The following LINGO2 variants were observed in gnomAD, a reference collection of about 807,000 sequenced individuals.
LINGO2 encodes the protein leucine-rich repeat and immunoglobulin-like domain-containing nogo receptor-interacting protein 2.
In LINGO2, 14 loss-of-function variants were observed where a neutral mutation model predicts 30.6. The observed-to-expected ratio is 0.46, with a 90% CI of 0.30 to 0.72. The LOEUF (loss-of-function observed/expected upper bound fraction) is 0.72, where lower values mean the gene tolerates loss of function less well. Among genes scored for constraint, LINGO2 ranks in the 30% least tolerant of loss-of-function variants. LINGO2 has a pLI of 0.07. For missense variants in LINGO2, 729 were observed against 751.7 expected, an observed-to-expected ratio of 0.97 and a Z score of 0.35; for synonymous variants, 317 against 288.5, an observed-to-expected ratio of 1.10 and a Z score of -1.00.
chr9:28,339,754 T>G (rs1414293635), intron 3 of LINGO2, among the ~76,000 whole-genome samples: 2 of 152,328 alleles, frequency 1.3e-5, no homozygotes, highest in African/African-American at 4.8e-5. Context: ...TATTTACTGT[T>G]TCCAGGCAAT....
intron 1 of LINGO2, among the ~76,000 whole-genome samples, chr9:28,619,299 G>A (rs1241140519): frequency 6.6e-6 from 1 of 151,994 alleles, no homozygotes; most frequent in Non-Finnish European, 1.5e-5. Flanking sequence ...ACTTTCCTAT[G>A]TATCAGAAGA....
chr9:29,014,289 A>G, the LINGO2 span, among the ~76,000 whole-genome samples: 1 of 152,122 alleles, frequency 6.6e-6, no homozygotes, highest in Non-Finnish European at 1.5e-5. Context: ...AACAATTGAA[A>G]TTTCTTGTCC....
At chr9:28,690,753 TCTC>T in the LINGO2 span, among the ~76,000 whole-genome samples, 559 of 152,232 alleles carry the variant, frequency 3.7e-3, 6 homozygotes, top group African/African-American at 0.013. Flanking sequence ...TTTCTTCCCC[TCTC>T]CTCCTGACAA....
At chr9:28,739,533 T>C in the LINGO2 span, among the ~76,000 whole-genome samples, 1 of 151,780 alleles carries the variant, frequency 6.6e-6, no homozygotes, top group African/African-American at 2.4e-5. Context: ...CAAATAATAA[T>C]ACAACAGGAA....
At chr9:29,116,930 C>T in the LINGO2 span, among the ~76,000 whole-genome samples, 34 of 152,140 alleles carry the variant, frequency 2.2e-4, no homozygotes, top group East Asian at 6.4e-3. Context: ...CAGTAGGGGT[C>T]GTCTAATGTT....
At chr9:28,220,863 GA>G (rs550454621) in intron 4 of LINGO2, among the ~76,000 whole-genome samples, 1 of 151,850 alleles carries the variant, frequency 6.6e-6, no homozygotes, top group South Asian at 2.1e-4. Flanking sequence ...CAGCCCAAAG[GA>G]AAAAAACCCA....
At chr9:29,161,930 T>G in the LINGO2 span, among the ~76,000 whole-genome samples, 1 of 152,034 alleles carries the variant, frequency 6.6e-6, no homozygotes, top group Non-Finnish European at 1.5e-5. Flanking sequence ...TGTGTTTTTT[T>G]TTTTTTTGAG....
chr9:28,806,707 C>A, the LINGO2 span, among the ~76,000 whole-genome samples: 1 of 152,054 alleles, frequency 6.6e-6, no homozygotes, highest in African/African-American at 2.4e-5. Flanking sequence ...CATAAATGAT[C>A]TATAATTAAA....
the LINGO2 span, among the ~76,000 whole-genome samples, chr9:29,190,227 C>T: frequency 2.0e-5 from 3 of 152,056 alleles, no homozygotes; most frequent in African/African-American, 7.2e-5. Flanking sequence ...GCACAAGCAA[C>T]AGATTAAAAA....
chr9:28,845,642 G>C, the LINGO2 span, among the ~76,000 whole-genome samples: 1 of 151,612 alleles, frequency 6.6e-6, no homozygotes, highest in Non-Finnish European at 1.5e-5. Context: ...CTTTCTTAGA[G>C]TTTAACTTCT....
At chr9:28,762,718 T>G in the LINGO2 span, among the ~76,000 whole-genome samples, 1 of 152,028 alleles carries the variant, frequency 6.6e-6, no homozygotes, top group Non-Finnish European at 1.5e-5. Flanking sequence ...AAATTTGTAT[T>G]AACTTCAGAT....
the LINGO2 span, among the ~76,000 whole-genome samples, chr9:29,034,692 A>G: frequency 6.6e-6 from 1 of 152,178 alleles, no homozygotes; most frequent in Non-Finnish European, 1.5e-5. Context: ...AATCATTATA[A>G]TCATTAAAAT....
chr9:29,121,201 G>A, the LINGO2 span, among the ~76,000 whole-genome samples: 1 of 152,154 alleles, frequency 6.6e-6, no homozygotes, highest in Non-Finnish European at 1.5e-5. Flanking sequence ...AGGCTCAAAT[G>A]TTGCAAGTTC....
chr9:28,509,337 T>C (rs1431696985), intron 1 of LINGO2, among the ~76,000 whole-genome samples: 2 of 152,196 alleles, frequency 1.3e-5, no homozygotes, highest in Admixed American at 6.6e-5. Flanking sequence ...GTTTTATTGC[T>C]TGAAACTCCT....
chr9:28,405,676 C>A (rs966276853), intron 2 of LINGO2, among the ~76,000 whole-genome samples: 3 of 152,086 alleles, frequency 2.0e-5, no homozygotes, highest in Non-Finnish European at 4.4e-5. Context: ...TTTAGTTATC[C>A]ATTGAAAATG....
At chr9:28,264,909 G>C (rs1043137506) in intron 4 of LINGO2, among the ~76,000 whole-genome samples, 6 of 151,950 alleles carry the variant, frequency 3.9e-5, no homozygotes, top group African/African-American at 1.4e-4. Flanking sequence ...TGTCTAATCA[G>C]TCTGAAGGCC....
intron 4 of LINGO2, among the ~76,000 whole-genome samples, chr9:28,175,442 T>A (rs181786881): frequency 7.2e-5 from 11 of 152,174 alleles, no homozygotes; most frequent in Admixed American, 6.5e-4. Context: ...CATGAAACCA[T>A]AGGGGAGGGA....
At chr9:28,033,929 C>T (rs187168105) in intron 4 of LINGO2, among the ~76,000 whole-genome samples, 2 of 152,166 alleles carry the variant, frequency 1.3e-5, no homozygotes, top group East Asian at 1.9e-4. Context: ...GGCCCTTGTG[C>T]GTTTTATTCT....
the LINGO2 span, among the ~76,000 whole-genome samples, chr9:29,158,879 T>C: frequency 7.1e-6 from 1 of 140,900 alleles, no homozygotes; most frequent in Admixed American, 7.1e-5. Context: ...CTCTGAATTC[T>C]AAGAGCATCC....
Sources: gnomAD v4.1 joint callset for allele counts (sites outside exome capture counted in the v4.1 genomes callset) on GRCh38, gnomAD v4.1.1 for gene constraint, MANE v1.5 for transcripts, NCBI Gene and HGNC (gene_info 2026-07-23, HGNC 2026-07-21) for gene names.